TNFAIP8L3: variants seen among roughly 807,000 people sequenced by gnomAD.
The protein encoded by TNFAIP8L3 is TNF alpha induced protein 8 like 3.
In TNFAIP8L3, 7 loss-of-function variants were observed where a neutral mutation model predicts 11.8. The observed-to-expected ratio is 0.59, with a 90% CI of 0.34 to 1.11. The LOEUF (loss-of-function observed/expected upper bound fraction) is 1.11, where lower values mean the gene tolerates loss of function less well. TNFAIP8L3 is among the 50% of genes most tolerant of loss of function. The pLI is 0.03. For missense variants in TNFAIP8L3, 219 were observed against 258.6 expected, an observed-to-expected ratio of 0.85 and a Z score of 1.05; for synonymous variants, 98 against 103.8, an observed-to-expected ratio of 0.94 and a Z score of 0.34.
chr15:51,094,784 T>TCCCCGCG lies in TNFAIP8L3; in HGVS notation c.-196_-190dup. The TCCCCGCG allele has an allele frequency of 1.2e-6, 1 of 839,392 alleles. No individual in the cohort carries two copies. Among genetic ancestry groups the TCCCCGCG allele is most frequent in the Non-Finnish European group, 1.4e-6 (1 of 699,588 alleles). The allele number at this position is 839,392 out of a possible 1,614,324, so 52.0% of individuals were successfully genotyped here. ...AGAGGCGAGCGCCGCCGCGCCCCGC[T>TCCCCGCG]CCCCGCGCCCGCCGGCCGGTGCCTG... On this transcript the variant is annotated 5_prime_UTR_variant, in exon 1 of 2. Transcript: ENST00000637513. This position sits in a 1 kb window ranked among gnomAD's most constrained non-coding sequence, Gnocchi z 4.4.
intron 1 of TNFAIP8L3, among the ~76,000 whole-genome samples, chr15:51,075,838 T>C (rs2065345558): frequency 6.6e-6 from 1 of 152,142 alleles, no homozygotes; most frequent in African/African-American, 2.4e-5. Context: ...TGGAAGGTGC[T>C]CTAATTAATT....
chr15:51,058,312 T>G lies in TNFAIP8L3; in HGVS notation c.184A>C (p.Lys62Gln). Residue 62 changes from lysine to glutamine, a missense_variant, in exon 2 of 2, where the codon AAA (lysine) becomes CAA (glutamine). Physicochemically the swap from Lys to Gln is moderately conservative, Grantham distance 53. Coordinates refer to ENST00000637513, the MANE Select transcript of TNFAIP8L3 (RefSeq NM_001311175.2). ...TTGTGTGTGTGCTCTTTGGTGACTT[T>G]GTAGAGCTCATCAAAGATCTCGCTG... ...TSSEIFDELY[K>Q]VTKEHTHNKK... 1.2e-6 allele frequency: 2 copies of G among 1,614,222 alleles called. No individual in the cohort carries two copies. Among genetic ancestry groups the G allele is most frequent in the Non-Finnish European group, 8.5e-7 (1 of 1,180,038 alleles).
At chr15:51,086,283 T>C (rs1363258970) in intron 1 of TNFAIP8L3, among the ~76,000 whole-genome samples, 1 of 152,260 alleles carries the variant, frequency 6.6e-6, no homozygotes, top group Non-Finnish European at 1.5e-5. Context: ...TTCTAGGGCC[T>C]TCTGCCTAGC....
At chr15:51,059,665 A>G (rs779612873) in intron 1 of TNFAIP8L3, among the ~76,000 whole-genome samples, 43 of 152,274 alleles carry the variant, frequency 2.8e-4, no homozygotes, top group Non-Finnish European at 4.8e-4. Context: ...AGTAAAATAC[A>G]AGAGAAATGC....
At chr15:51,070,129 G>A (rs909526718) in intron 1 of TNFAIP8L3, among the ~76,000 whole-genome samples, 1 of 152,196 alleles carries the variant, frequency 6.6e-6, no homozygotes, top group African/African-American at 2.4e-5. Context: ...TTTACAGCCA[G>A]CTCTGAAAAG....
chr15:51,102,428 C>T (rs1457708204), intron 1 of TNFAIP8L3, among the ~76,000 whole-genome samples: 5 of 152,268 alleles, frequency 3.3e-5, no homozygotes, highest in East Asian at 1.9e-4. Context: ...GAACAAATAT[C>T]GCTCGCCAAG....
chr15:51,080,932 T>C (rs2065386964), intron 1 of TNFAIP8L3, among the ~76,000 whole-genome samples: 1 of 152,360 alleles, frequency 6.6e-6, no homozygotes, highest in African/African-American at 2.4e-5. Flanking sequence ...TAGAGCTCTA[T>C]GTTGGAAATC....
intron 1 of TNFAIP8L3, among the ~76,000 whole-genome samples, chr15:51,102,004 A>G (rs973681863): frequency 6.6e-6 from 1 of 151,998 alleles, no homozygotes; most frequent in Non-Finnish European, 1.5e-5. Context: ...ATATTTTCCT[A>G]GTTAGACCTC....
chr15:51,102,973 A>G (rs1161716272), intron 1 of TNFAIP8L3, among the ~76,000 whole-genome samples: 1 of 151,974 alleles, frequency 6.6e-6, no homozygotes. Context: ...TTATCTTATC[A>G]AAGACTCTCT....
At position 51,058,037 on chromosome 15, in the gene TNFAIP8L3, C is replaced by T. The variant is rs2065217609; in HGVS notation, c.459G>A (p.Leu153=). The T allele has an allele frequency of 1.2e-6, 2 of 1,614,158 alleles. No individual in the cohort carries two copies. The highest frequency in any genetic ancestry group is 2.7e-5 in the African/African-American group (2 of 75,052). ...TGATGCGCCCGTGGGTCCTGGGCGT[C>T]AGGTGCCGCTGCACCAGTTCATGCA... The part of the protein sequence containing the change: ...DLVHELVQRH[L]TPRTHGRINH... Residue 153 remains leucine, a synonymous_variant, in exon 2 of 2, where the codon CTG becomes CTA. Transcript: ENST00000637513.
chr15:51,095,020 C>T (rs1356693212), upstream of TNFAIP8L3, among the ~76,000 whole-genome samples: 1 of 152,056 alleles, frequency 6.6e-6, no homozygotes, highest in Non-Finnish European at 1.5e-5. Context: ...TTGTGCTGGT[C>T]TGCAAGGCCG....
At chr15:51,068,660 G>GTTTTTTTTTTTTTTTTTT (rs113982459) in intron 1 of TNFAIP8L3, among the ~76,000 whole-genome samples, 1 of 116,342 alleles carries the variant, frequency 8.6e-6, no homozygotes, top group Non-Finnish European at 1.8e-5. Context: ...CACCCCTCCT[G>GTTTTTTTTTTTTTTTTTT]TTTTTTTTTT....
upstream of TNFAIP8L3, among the ~76,000 whole-genome samples, chr15:51,098,984 T>G (rs767677942): frequency 3.9e-5 from 6 of 152,242 alleles, no homozygotes; most frequent in Non-Finnish European, 7.3e-5. Flanking sequence ...CACACATCAT[T>G]AATCAATGCC....
chr15:51,101,901 G>A (rs1161068172), intron 1 of TNFAIP8L3, among the ~76,000 whole-genome samples: 2 of 137,312 alleles, frequency 1.5e-5, no homozygotes, highest in East Asian at 2.2e-4. Flanking sequence ...AGCTGAGATT[G>A]CGCCACTGCA....
Position 51,057,836 on chromosome 15 carries a change from G to C in TNFAIP8L3, c.*45C>G, listed in dbSNP as rs761872315. 4.8e-6 allele frequency: 7 copies of C among 1,469,654 alleles called. No individual in the cohort carries two copies. In the Admixed American group the frequency reaches 1.5e-4, roughly 32 times the overall value. 91.0% of individuals were successfully genotyped at this position (1,469,654 alleles called of 1,614,324 possible). A position where few individuals can be genotyped will look rare whatever the true frequency, so the allele number is the denominator to read the frequency against. ...TGATTCTCACCCAGATCATGGTTGA[G>C]TGCTGTAACTTTAAAGCAGCAAAGT... On this transcript the variant is annotated 3_prime_UTR_variant, in exon 2 of 2. Coordinates refer to ENST00000637513, the MANE Select transcript of TNFAIP8L3 (RefSeq NM_001311175.2).
intron 1 of TNFAIP8L3, among the ~76,000 whole-genome samples, chr15:51,076,218 T>A (rs551112801): frequency 1.4e-4 from 21 of 152,326 alleles, no homozygotes; most frequent in African/African-American, 4.8e-4. Flanking sequence ...ATGGTCAATA[T>A]CTGGCCTGTG....
At chr15:51,058,532 AT>A (rs1442035085) in intron 1 of TNFAIP8L3, 89 bp from the exon 2 acceptor site, 2 of 1,216,694 alleles carry the variant, frequency 1.6e-6, no homozygotes, top group African/African-American at 3.1e-5. Flanking sequence ...ACTTGAACTT[AT>A]GTTCTTAGAG....
At chr15:51,071,243 T>G (rs1275355665) in intron 1 of TNFAIP8L3, among the ~76,000 whole-genome samples, 1 of 152,090 alleles carries the variant, frequency 6.6e-6, no homozygotes, top group Non-Finnish European at 1.5e-5. Context: ...ATTAAGCATT[T>G]CAAACATATG....
At chr15:51,079,855 C>CAAAAAAAAAAAAAAAAAAAAAAA (rs10602536) in intron 1 of TNFAIP8L3, among the ~76,000 whole-genome samples, 5 of 77,570 alleles carry the variant, frequency 6.4e-5, no homozygotes, top group East Asian at 3.2e-4. Flanking sequence ...GACTTTGTCT[C>CAAAAAAAAAAAAAAAAAAAAAAA]AAAAAAAAAA....
Sources: allele counts gnomAD v4.1 joint callset (sites outside exome capture counted in the v4.1 genomes callset), GRCh38; gene constraint gnomAD v4.1.1; non-coding constraint Gnocchi (gnomAD v3.1); transcripts MANE v1.5; gene names NCBI Gene and HGNC (gene_info 2026-07-23, HGNC 2026-07-21).